The following TASP1 variants were observed in gnomAD, a reference collection of about 807,000 sequenced individuals.
TASP1 encodes the protein taspase 1.
Under a neutral mutation model 56.6 loss-of-function variants are expected in TASP1, and 16 were observed. The observed-to-expected ratio is 0.28, with a 90% CI of 0.19 to 0.43. The LOEUF (loss-of-function observed/expected upper bound fraction) is 0.43. Among genes scored for constraint, TASP1 ranks in the 20% least tolerant of loss-of-function variants. The probability of loss-of-function intolerance (pLI) is 1.00; values close to 1 mark genes in which losing one functional copy is unlikely to be tolerated. For missense variants in TASP1, 393 were observed against 511.6 expected (o/e 0.77, Z 2.24); for synonymous variants, 179 against 184.2 (o/e 0.97, Z 0.23).
chr20:13,432,286 G>T (rs990370159), intron 12 of TASP1, among the ~76,000 whole-genome samples: 1 of 152,136 alleles, frequency 6.6e-6, no homozygotes, highest in Non-Finnish European at 1.5e-5. Flanking sequence ...CACAGCAAGG[G>T]GTCACAAGTT....
At chr20:13,429,611 TGTGA>T (rs1004709624) in intron 12 of TASP1, among the ~76,000 whole-genome samples, 4 of 150,768 alleles carry the variant, frequency 2.7e-5, no homozygotes, top group African/African-American at 7.4e-5. Context: ...ACAGGGTGTG[TGTGA>T]GTGTGTGTGT....
the TASP1 span, among the ~76,000 whole-genome samples, chr20:13,156,499 G>T: frequency 1.3e-5 from 2 of 152,146 alleles, no homozygotes; most frequent in African/African-American, 4.8e-5. Flanking sequence ...GGGATTCTTG[G>T]ACAAGTTACT....
chr20:13,487,039 T>C (rs778068668), intron 10 of TASP1, among the ~76,000 whole-genome samples: 29 of 152,172 alleles, frequency 1.9e-4, no homozygotes, highest in Non-Finnish European at 4.1e-4. Context: ...GAAGTAAAAC[T>C]GTCTCTATTC....
Position 13,483,314 on chromosome 20 carries a change from T to G in TASP1, c.898A>C (p.Thr300Pro), listed in dbSNP as rs1202251328. ...TGTGAACATTCTCTAGCCAGTATGG[T>G]GCGCACAAGATGCTCTCCACATCCT... ...TSGCGEHLVR[T>P]ILARECSHAL... is the part of the protein sequence containing the mutation. The change falls in exon 11 of 14, where the codon ACC (threonine) becomes CCC (proline). Residue 300 changes from threonine to proline, a missense_variant. Transcript: ENST00000337743. 1 of 1,589,300 alleles carries G rather than the reference T, an allele frequency of 6.3e-7. No individual in the cohort carries two copies.
At chr20:13,290,730 A>G in the TASP1 span, among the ~76,000 whole-genome samples, 261 of 152,324 alleles carry the variant, frequency 1.7e-3, no homozygotes, top group African/African-American at 5.8e-3. Flanking sequence ...ATGATGAAGA[A>G]GATTTTTTGA....
chr20:13,169,546 G>C, the TASP1 span, among the ~76,000 whole-genome samples: 1 of 152,198 alleles, frequency 6.6e-6, no homozygotes. Flanking sequence ...AAAATGACAA[G>C]GATGCCAGAT....
At chr20:13,531,569 C>T (rs766971685) in intron 9 of TASP1, among the ~76,000 whole-genome samples, 1 of 151,172 alleles carries the variant, frequency 6.6e-6, no homozygotes, top group South Asian at 2.1e-4. Flanking sequence ...TGGCTCACTG[C>T]AACCTCAGCC....
At chr20:13,393,632 T>G (rs2041380181) in intron 13 of TASP1, 1 of 1,270,456 alleles carries the variant, frequency 7.9e-7, no homozygotes, top group Admixed American at 1.7e-5. Flanking sequence ...GCTACAGCAA[T>G]ATGGTGGTGG....
chr20:13,369,975 G>A, the TASP1 span, among the ~76,000 whole-genome samples: 1 of 152,156 alleles, frequency 6.6e-6, no homozygotes, highest in Non-Finnish European at 1.5e-5. Flanking sequence ...ACTAACTAGC[G>A]ACCCTGGGAC....
chr20:13,298,228 C>T, the TASP1 span, among the ~76,000 whole-genome samples: 1 of 152,194 alleles, frequency 6.6e-6, no homozygotes, highest in Non-Finnish European at 1.5e-5. Context: ...GCCTCAGCCT[C>T]CTGAGTAGCT....
the TASP1 span, among the ~76,000 whole-genome samples, chr20:13,184,569 T>C: frequency 6.6e-6 from 1 of 152,216 alleles, no homozygotes; most frequent in Admixed American, 6.5e-5. Flanking sequence ...CTTAATTATT[T>C]CTGCCACTGT....
the TASP1 span, among the ~76,000 whole-genome samples, chr20:13,162,229 AG>A: frequency 4.6e-5 from 7 of 152,228 alleles, no homozygotes; most frequent in African/African-American, 1.7e-4. Flanking sequence ...GACCTTGCAC[AG>A]AAGGGAGAGA....
chr20:13,399,311 T>C (rs980539501), intron 13 of TASP1, among the ~76,000 whole-genome samples: 4 of 152,198 alleles, frequency 2.6e-5, no homozygotes, highest in African/African-American at 7.2e-5. Context: ...TTCCCTAATA[T>C]GTATCTCCAT....
chr20:13,460,916 A>G (rs768119234), intron 11 of TASP1, among the ~76,000 whole-genome samples: 13 of 152,150 alleles, frequency 8.5e-5, no homozygotes, highest in Admixed American at 3.3e-4. Context: ...AATGGCTTCA[A>G]TAAAATGTAA....
the TASP1 span, among the ~76,000 whole-genome samples, chr20:13,295,100 T>C: frequency 6.6e-6 from 1 of 152,086 alleles, no homozygotes; most frequent in South Asian, 2.1e-4. Context: ...ACCACCAGCC[T>C]CCCAGGCTCC....
the TASP1 span, among the ~76,000 whole-genome samples, chr20:13,186,742 T>A: frequency 2.2e-3 from 330 of 152,308 alleles, 3 homozygotes; most frequent in African/African-American, 7.4e-3. Context: ...CACTTATAGC[T>A]AAGCCTTAAA....
chr20:13,560,534 CCATTACT>C (rs1397212178), intron 7 of TASP1, among the ~76,000 whole-genome samples: 7 of 152,116 alleles, frequency 4.6e-5, no homozygotes, highest in African/African-American at 1.7e-4. Context: ...ATAACTGAGT[CCATTACT>C]CCCTCTATCT....
chr20:13,608,473 C>A (rs762472653), intron 4 of TASP1, among the ~76,000 whole-genome samples: 13 of 152,226 alleles, frequency 8.5e-5, no homozygotes, highest in Admixed American at 2.6e-4. Flanking sequence ...GATATATTAA[C>A]TAGTTCAGGC....
chr20:13,107,054 A>G, the TASP1 span, among the ~76,000 whole-genome samples: 1 of 152,212 alleles, frequency 6.6e-6, no homozygotes, highest in Non-Finnish European at 1.5e-5. Context: ...TGAGGTTCCC[A>G]TATTTGTCTA....
Sources: gnomAD v4.1 joint callset for allele counts (sites outside exome capture counted in the v4.1 genomes callset) on GRCh38, gnomAD v4.1.1 for gene constraint, MANE v1.5 for transcripts, NCBI Gene and HGNC (gene_info 2026-07-23, HGNC 2026-07-21) for gene names.